Variants in CHCHD3 observed in about 807,000 individuals in gnomAD.
CHCHD3 encodes coiled-coil-helix-coiled-coil-helix domain containing 3.
CHCHD3 carries 20 observed loss-of-function variants against 38.2 expected under a neutral mutation model. The observed-to-expected ratio is 0.52, with a 90% CI of 0.37 to 0.76. The LOEUF is 0.76. Ranked by LOEUF, CHCHD3 falls within the 30% of genes least tolerant of loss-of-function variation. The probability of loss-of-function intolerance (pLI) is 0.00; values close to 1 mark genes in which losing one functional copy is unlikely to be tolerated. For synonymous variants in CHCHD3, 82 were observed against 100.0 expected, an observed-to-expected ratio of 0.82 and a Z score of 1.07; for missense variants, 245 against 279.2, an observed-to-expected ratio of 0.88 and a Z score of 0.87.
Position 132,835,126 on chromosome 7 carries a change from CA to C in CHCHD3, c.524+3272del, listed in dbSNP as rs1807746528. On this transcript the variant is annotated intron_variant, in intron 6 of 7. Transcript: ENST00000262570. The stretch of plus-strand genomic sequence containing the variant: ...AGTGGCTGGGACTATAGGCATGCGC[CA>C]CCACACCTGGTTAATTTTTGTATTT... Among the ~76,000 whole-genome samples the C allele has an allele frequency of 2.0e-5, 3 of 151,194 alleles. No homozygotes were observed. In the South Asian group the frequency reaches 6.2e-4, roughly 31 times the overall value.
At chr7:132,831,404 C>T (rs968681295) in intron 6 of CHCHD3, among the ~76,000 whole-genome samples, 5 of 152,076 alleles carry the variant, frequency 3.3e-5, no homozygotes, top group Non-Finnish European at 7.4e-5. Flanking sequence ...TCCATTCACA[C>T]AGCACTAAAG....
chr7:132,811,370 A>G (rs1026173463), intron 6 of CHCHD3, among the ~76,000 whole-genome samples: 3 of 152,244 alleles, frequency 2.0e-5, no homozygotes, highest in African/African-American at 7.2e-5. Context: ...TGGTGGTCAC[A>G]CCACCGGTGG....
At chr7:132,928,750 A>C (rs774946591) in intron 4 of CHCHD3, among the ~76,000 whole-genome samples, 1 of 152,112 alleles carries the variant, frequency 6.6e-6, no homozygotes, top group Non-Finnish European at 1.5e-5. Flanking sequence ...AAGGATACAA[A>C]ATATCAATAA....
chr7:132,995,666 G>A (rs1812394996), intron 3 of CHCHD3, among the ~76,000 whole-genome samples: 1 of 152,192 alleles, frequency 6.6e-6, no homozygotes, highest in African/African-American at 2.4e-5. Flanking sequence ...AGGAGACAGA[G>A]CGTAAAACCT....
intron 4 of CHCHD3, among the ~76,000 whole-genome samples, chr7:132,946,841 G>A: frequency 6.6e-6 from 1 of 151,904 alleles, no homozygotes. Flanking sequence ...TTAATCAGAA[G>A]AAATATCTAA....
chr7:133,047,215 A>C (rs1814018238), intron 2 of CHCHD3, among the ~76,000 whole-genome samples: 1 of 152,214 alleles, frequency 6.6e-6, no homozygotes, highest in South Asian at 2.1e-4. Flanking sequence ...TAACCCAAAA[A>C]ATGTTTCAGA....
chr7:132,897,827 G>A (rs936028946), intron 4 of CHCHD3, among the ~76,000 whole-genome samples: 7 of 152,204 alleles, frequency 4.6e-5, no homozygotes, highest in Admixed American at 3.9e-4. Context: ...TAATGTGTCC[G>A]GAATTGGTGG....
chr7:132,817,717 T>C (rs1391250937), intron 6 of CHCHD3, among the ~76,000 whole-genome samples: 1 of 151,984 alleles, frequency 6.6e-6, no homozygotes, highest in South Asian at 2.1e-4. Context: ...AGCATCACAC[T>C]GCTAGCTACT....
intron 4 of CHCHD3, among the ~76,000 whole-genome samples, chr7:132,947,619 T>A (rs576681838): frequency 2.4e-4 from 36 of 152,134 alleles, no homozygotes; most frequent in Non-Finnish European, 3.4e-4. Flanking sequence ...CTGCTGAATA[T>A]CTCTATTTTT....
chr7:132,854,372 G>C (rs1808296024), intron 5 of CHCHD3, among the ~76,000 whole-genome samples: 1 of 152,106 alleles, frequency 6.6e-6, no homozygotes, highest in Admixed American at 6.5e-5. Flanking sequence ...AAAAAGGAGA[G>C]AAGAAATGTT....
At chr7:132,801,122 A>T (rs959756173) in intron 6 of CHCHD3, among the ~76,000 whole-genome samples, 2 of 152,368 alleles carry the variant, frequency 1.3e-5, no homozygotes, top group East Asian at 3.9e-4. Flanking sequence ...ATTTAAAAAT[A>T]TGTAATCATT....
intron 2 of CHCHD3, among the ~76,000 whole-genome samples, chr7:133,063,559 T>C (rs1814582262): frequency 6.6e-6 from 1 of 152,216 alleles, no homozygotes; most frequent in Non-Finnish European, 1.5e-5. Context: ...AAAATGCTTA[T>C]GGGGCTGCTT....
chr7:133,013,865 T>C (rs1350540743), intron 3 of CHCHD3, among the ~76,000 whole-genome samples: 1 of 152,188 alleles, frequency 6.6e-6, no homozygotes, highest in Non-Finnish European at 1.5e-5. Flanking sequence ...ATTTCCCTGG[T>C]AATTTTCTTT....
intron 6 of CHCHD3, among the ~76,000 whole-genome samples, chr7:132,835,250 G>A (rs1262959367): frequency 1.3e-5 from 2 of 151,750 alleles, no homozygotes; most frequent in Non-Finnish European, 2.9e-5. Flanking sequence ...CCTAAGTGCT[G>A]GGATTACAGG....
chr7:132,799,692 C>T (rs779380264), intron 6 of CHCHD3, among the ~76,000 whole-genome samples: 4 of 152,038 alleles, frequency 2.6e-5, no homozygotes, highest in African/African-American at 4.8e-5. Flanking sequence ...AAGAAGAAAT[C>T]GGTGGAATAG....
chr7:133,005,715 A>G (rs1812682139), intron 3 of CHCHD3, among the ~76,000 whole-genome samples: 1 of 152,232 alleles, frequency 6.6e-6, no homozygotes, highest in Non-Finnish European at 1.5e-5. Context: ...ACAAGTATTT[A>G]TTTAGTATCT....
At chr7:132,809,402 T>G (rs1454011514) in intron 6 of CHCHD3, among the ~76,000 whole-genome samples, 1 of 152,178 alleles carries the variant, frequency 6.6e-6, no homozygotes, top group East Asian at 1.9e-4. Flanking sequence ...AACTTTCAAA[T>G]AGTCTATCTG....
chr7:132,968,555 C>T (rs971476589), intron 4 of CHCHD3, among the ~76,000 whole-genome samples: 3 of 152,094 alleles, frequency 2.0e-5, no homozygotes, highest in Non-Finnish European at 2.9e-5. Flanking sequence ...GTGTCTAGGG[C>T]AAGAAAACCA....
intron 5 of CHCHD3, among the ~76,000 whole-genome samples, chr7:132,870,592 G>T (rs1035407465): frequency 2.0e-5 from 3 of 151,434 alleles, no homozygotes; most frequent in African/African-American, 7.3e-5. Context: ...CAATATGAAG[G>T]CCACTTTACA....
Sources: allele counts gnomAD v4.1 joint callset (sites outside exome capture counted in the v4.1 genomes callset), GRCh38; gene constraint gnomAD v4.1.1; transcripts MANE v1.5; gene names NCBI Gene and HGNC (gene_info 2026-07-23, HGNC 2026-07-21).